The following DLG2 variants were observed in gnomAD, a reference collection of about 807,000 sequenced individuals.
DLG2 encodes disks large homolog 2.
A neutral mutation model predicts 132.5 loss-of-function variants in DLG2; 45 were observed. The ratio of observed to expected loss-of-function variants is 0.34; its 90% CI spans 0.27 to 0.44. The LOEUF (loss-of-function observed/expected upper bound fraction) is 0.44. DLG2 is among the 20% of genes least tolerant of loss of function. The pLI, the probability that DLG2 is intolerant of heterozygous loss-of-function variation, is 1.00. For missense variants in DLG2, 1,045 were observed against 1,196.9 expected, an observed-to-expected ratio of 0.87 and a Z score of 1.87; for synonymous variants, 424 against 419.6, an observed-to-expected ratio of 1.01 and a Z score of -0.13.
chr11:84,131,219 A>C (rs1342878969), intron 9 of DLG2, among the ~76,000 whole-genome samples: 1 of 152,004 alleles, frequency 6.6e-6, no homozygotes, highest in Non-Finnish European at 1.5e-5. Context: ...AAGAATGGAG[A>C]AACAGCTGTC....
At chr11:83,896,105 T>C (rs888190286) in intron 15 of DLG2, among the ~76,000 whole-genome samples, 1 of 152,186 alleles carries the variant, frequency 6.6e-6, no homozygotes, top group African/African-American at 2.4e-5. Context: ...ATATACCCTC[T>C]ATTATACCAC....
intron 16 of DLG2, among the ~76,000 whole-genome samples, chr11:83,838,561 C>T (rs572426584): frequency 6.6e-6 from 1 of 152,262 alleles, no homozygotes; most frequent in South Asian, 2.1e-4. Flanking sequence ...GAATTTGACT[C>T]ATAATATTTA....
intron 11 of DLG2, among the ~76,000 whole-genome samples, chr11:83,995,486 A>G (rs2093973578): frequency 6.6e-6 from 1 of 152,132 alleles, no homozygotes; most frequent in Admixed American, 6.6e-5. Flanking sequence ...TTTCCTTGTT[A>G]ATACTTGCTG....
intron 17 of DLG2, among the ~76,000 whole-genome samples, chr11:83,821,801 T>G (rs1281957330): frequency 1.3e-5 from 2 of 151,954 alleles, no homozygotes; most frequent in Admixed American, 1.3e-4. Flanking sequence ...GTATATGAAT[T>G]GCTAAATAAA....
chr11:85,380,931 G>A (rs974697949), intron 3 of DLG2, among the ~76,000 whole-genome samples: 7 of 152,014 alleles, frequency 4.6e-5, no homozygotes, highest in Non-Finnish European at 8.8e-5. Flanking sequence ...CAAGACCAAG[G>A]GAAAAATGTA....
chr11:85,204,098 T>C (rs192848702), intron 4 of DLG2, among the ~76,000 whole-genome samples: 18 of 152,140 alleles, frequency 1.2e-4, no homozygotes, highest in Non-Finnish European at 2.4e-4. Flanking sequence ...TGGGGAAAAA[T>C]TGAAAGCATT....
chr11:85,374,817 T>C (rs1486148344), intron 3 of DLG2, among the ~76,000 whole-genome samples: 1 of 152,102 alleles, frequency 6.6e-6, no homozygotes, highest in Non-Finnish European at 1.5e-5. Flanking sequence ...ACAATAATCA[T>C]ATATATCTAT....
chr11:83,755,600 A>G lies in DLG2; in HGVS notation c.1825+31090T>C, dbSNP rs144558536. On this transcript the variant is annotated intron_variant, in intron 18 of 27. Transcript: ENST00000376104. ...CCATAGTCATTGATTAGATAGAGTAATGGACACACATTATGATCTATAGTG... is the reference window on the plus strand; with the variant it reads ...CCATAGTCATTGATTAGATAGAGTAGTGGACACACATTATGATCTATAGTG... Among the ~76,000 whole-genome samples, 238 of 151,466 alleles carry G rather than the reference A, an allele frequency of 1.6e-3. 13 individuals carry two copies. The highest frequency in any genetic ancestry group is 5.7e-3 in the African/African-American group (231 of 40,786).
chr11:85,185,152 A>T (rs1448039567), intron 4 of DLG2, among the ~76,000 whole-genome samples: 1 of 151,968 alleles, frequency 6.6e-6, no homozygotes, highest in Admixed American at 6.6e-5. Flanking sequence ...TTGGCAACAG[A>T]TACACCAAGA....
At chr11:84,412,966 T>G (rs560770533) in intron 7 of DLG2, among the ~76,000 whole-genome samples, 223 of 152,358 alleles carry the variant, frequency 1.5e-3, no homozygotes, top group Middle Eastern at 3.4e-3. Context: ...CAATGACACC[T>G]ATTATTATCT....
intron 6 of DLG2, among the ~76,000 whole-genome samples, chr11:84,591,329 TTTTG>T (rs1318385239): frequency 2.1e-4 from 32 of 149,154 alleles, no homozygotes; most frequent in East Asian, 4.0e-4. Flanking sequence ...TTTTTTTTTG[TTTTG>T]TTTGTTTGTT....
intron 19 of DLG2, among the ~76,000 whole-genome samples, chr11:83,568,335 A>G (rs1413752665): frequency 1.2e-4 from 19 of 152,140 alleles, no homozygotes. Flanking sequence ...ATCCCTCCAG[A>G]CAAAGTGATA....
intron 18 of DLG2, among the ~76,000 whole-genome samples, chr11:83,782,015 A>T (rs2094849253): frequency 6.6e-6 from 1 of 152,170 alleles, no homozygotes; most frequent in Non-Finnish European, 1.5e-5. Context: ...TGCTTTAATC[A>T]TCTTATCTTT....
intron 6 of DLG2, among the ~76,000 whole-genome samples, chr11:84,669,288 G>T (rs560908930): frequency 3.8e-4 from 58 of 152,154 alleles, no homozygotes; most frequent in African/African-American, 1.4e-3. Flanking sequence ...TGAAACAAGG[G>T]GGAGTATGGC....
intron 9 of DLG2, among the ~76,000 whole-genome samples, chr11:84,153,365 T>C (rs1159651800): frequency 6.6e-6 from 1 of 152,098 alleles, no homozygotes; most frequent in Non-Finnish European, 1.5e-5. Flanking sequence ...TCTGTATTTC[T>C]TGAATTTGCC....
At chr11:83,817,177 A>G (rs370165407) in intron 17 of DLG2, among the ~76,000 whole-genome samples, 1 of 152,208 alleles carries the variant, frequency 6.6e-6, no homozygotes, top group African/African-American at 2.4e-5. Context: ...AAAAATTAAC[A>G]TGGTAAGTGC....
chr11:84,366,726 T>A (rs2098685340), intron 7 of DLG2, among the ~76,000 whole-genome samples: 1 of 152,090 alleles, frequency 6.6e-6, no homozygotes, highest in Non-Finnish European at 1.5e-5. Context: ...GGCCATTACA[T>A]AATGGTAAAG....
intron 6 of DLG2, among the ~76,000 whole-genome samples, chr11:85,036,920 C>T (rs996760347): frequency 6.6e-6 from 1 of 152,138 alleles, no homozygotes; most frequent in African/African-American, 2.4e-5. Flanking sequence ...AGAAAGACTG[C>T]AATAATGTAA....
intron 7 of DLG2, among the ~76,000 whole-genome samples, chr11:84,516,339 G>A (rs1357284427): frequency 6.6e-6 from 1 of 151,258 alleles, no homozygotes; most frequent in African/African-American, 2.4e-5. Flanking sequence ...GCTAGACTAA[G>A]TATAATAAAA....
Sources: allele counts gnomAD v4.1 joint callset (sites outside exome capture counted in the v4.1 genomes callset), GRCh38; gene constraint gnomAD v4.1.1; transcripts MANE v1.5; gene names NCBI Gene and HGNC (gene_info 2026-07-23, HGNC 2026-07-21).